Variants in WNT9B observed in about 807,000 individuals in gnomAD.
The protein encoded by WNT9B is protein Wnt-9b.
WNT9B carries 12 observed loss-of-function variants against 30.2 expected under a neutral mutation model. The ratio of observed to expected loss-of-function variants is 0.40; its 90% CI spans 0.26 to 0.64. The LOEUF (loss-of-function observed/expected upper bound fraction) is 0.64, where lower values mean the gene tolerates loss of function less well. WNT9B is among the 30% of genes least tolerant of loss of function. The probability of loss-of-function intolerance (pLI) is 0.42; values close to 1 mark genes in which losing one functional copy is unlikely to be tolerated. For missense variants in WNT9B, 442 were observed against 485.2 expected (o/e 0.91, Z 0.84); for synonymous variants, 218 against 216.9 (o/e 1.01, Z -0.05).
rs560177145 is a variant in WNT9B at position 46,876,977 on chromosome 17, G to C, written c.*259G>C. On this transcript the variant is annotated 3_prime_UTR_variant, in exon 4 of 4. Transcript: ENST00000290015. ...TTGAGGACTTGGAGAGGAGGGCAGA[G>C]TGAGAAAGACATGGAGGGAAATAAG... 6,551 of 1,291,648 alleles carry C rather than the reference G, an allele frequency of 5.1e-3. 30 individuals carry two copies. The highest frequency in any genetic ancestry group is 5.9e-3 in the Non-Finnish European group (6,044 of 1,023,032). 80.0% of individuals were successfully genotyped at this position (1,291,648 alleles called of 1,614,324 possible). A position where few individuals can be genotyped will look rare whatever the true frequency, so the allele number is the denominator to read the frequency against.
upstream of WNT9B, among the ~76,000 whole-genome samples, chr17:46,849,417 G>A (rs2084813320): frequency 6.6e-6 from 1 of 152,228 alleles, no homozygotes; most frequent in African/African-American, 2.4e-5. Context: ...TGGGCAGCCT[G>A]AGCTGAACCC....
At chr17:46,855,481 A>T (rs1200872645) in intron 1 of WNT9B, among the ~76,000 whole-genome samples, 1 of 152,124 alleles carries the variant, frequency 6.6e-6, no homozygotes, top group East Asian at 1.9e-4. Context: ...CAAGTCACTC[A>T]TCTCCAAGGT....
chr17:46,849,269 A>G (rs564879495), upstream of WNT9B, among the ~76,000 whole-genome samples: 72 of 152,366 alleles, frequency 4.7e-4, no homozygotes, highest in African/African-American at 1.7e-3. Context: ...TCTTTGATTC[A>G]TAGGCTTACC....
At chr17:46,859,168 G>A (rs371951954) in intron 1 of WNT9B, among the ~76,000 whole-genome samples, 7 of 151,918 alleles carry the variant, frequency 4.6e-5, no homozygotes, top group Admixed American at 3.3e-4. Flanking sequence ...TGGAGATGGG[G>A]TTTCACCATG....
chr17:46,840,909 CT>C (rs1252013808), intron 1 of WNT9B, among the ~76,000 whole-genome samples: 1 of 152,158 alleles, frequency 6.6e-6, no homozygotes, highest in Non-Finnish European at 1.5e-5. Flanking sequence ...CCTTTGCAGG[CT>C]GTAAATTCTA....
intron 1 of WNT9B, among the ~76,000 whole-genome samples, chr17:46,852,873 A>T (rs1001072811): frequency 8.5e-5 from 13 of 152,246 alleles, no homozygotes; most frequent in Admixed American, 2.0e-4. Flanking sequence ...GGTTGGAGTA[A>T]GGGCTGTGGG....
intron 1 of WNT9B, among the ~76,000 whole-genome samples, chr17:46,861,486 T>G (rs2085036998): frequency 6.6e-6 from 1 of 152,204 alleles, no homozygotes; most frequent in African/African-American, 2.4e-5. Flanking sequence ...GGGCACATAC[T>G]ACCTCACCTA....
chr17:46,842,826 T>G (rs1388685356), intron 1 of WNT9B, among the ~76,000 whole-genome samples: 2 of 152,228 alleles, frequency 1.3e-5, no homozygotes, highest in East Asian at 3.8e-4. Flanking sequence ...AATCAGACAG[T>G]GCACCTCTTC....
At chr17:46,841,447 A>T (rs1189076346) in intron 1 of WNT9B, among the ~76,000 whole-genome samples, 1 of 152,122 alleles carries the variant, frequency 6.6e-6, no homozygotes, top group Non-Finnish European at 1.5e-5. Flanking sequence ...TGTCCCAGGC[A>T]CCTCTGGGCG....
intron 1 of WNT9B, among the ~76,000 whole-genome samples, chr17:46,862,506 T>A (rs1347160230): frequency 2.0e-5 from 3 of 152,226 alleles, no homozygotes; most frequent in African/African-American, 7.2e-5. Context: ...GAATTGTGGA[T>A]AAGGGTTTGT....
intron 1 of WNT9B, among the ~76,000 whole-genome samples, chr17:46,836,095 C>CGTTGT (rs1555692746): frequency 7.9e-6 from 1 of 126,434 alleles, no homozygotes; most frequent in Non-Finnish European, 1.6e-5. Flanking sequence ...GAGACGCTGA[C>CGTTGT]GTGTGTGTGT....
At chr17:46,833,590 G>T in intron 1 of WNT9B, 1 of 367,620 alleles carries the variant, frequency 2.7e-6, no homozygotes, top group South Asian at 2.0e-5. Context: ...AGTGTGGTGG[G>T]CAGCCCTGCT....
rs575121168 is a variant in WNT9B at position 46,856,524 on chromosome 17, G to A, written c.77+4809G>A. ...TTTTGAGATGGAGTCTCACTATGTC[G>A]CCCAGGCTGGAATGCAGTGGTGCAA... is the stretch of plus-strand genomic sequence containing the variant. On this transcript the variant is annotated intron_variant, in intron 1 of 3. Transcript: ENST00000290015. Among the ~76,000 whole-genome samples, 195 of 145,476 alleles carry A rather than the reference G, an allele frequency of 1.3e-3. 1 individual carries two copies. In the Middle Eastern group the frequency reaches 0.014, roughly 11 times the overall value.
At chr17:46,871,990 G>A (rs1311525927) in intron 1 of WNT9B, among the ~76,000 whole-genome samples, 6 of 152,168 alleles carry the variant, frequency 3.9e-5, no homozygotes, top group African/African-American at 1.4e-4. Context: ...AGGGAGAGAG[G>A]GATGTCAGGG....
intron 1 of WNT9B, among the ~76,000 whole-genome samples, chr17:46,855,031 G>A (rs189463270): frequency 1.3e-5 from 2 of 152,194 alleles, no homozygotes; most frequent in Non-Finnish European, 2.9e-5. Context: ...TGTAGGATGG[G>A]TGTAAATAGT....
At chr17:46,871,963 G>T (rs1441140305) in intron 1 of WNT9B, among the ~76,000 whole-genome samples, 3 of 152,132 alleles carry the variant, frequency 2.0e-5, no homozygotes, top group Non-Finnish European at 4.4e-5. Context: ...GGATTACTTG[G>T]GCAGCAGCAT....
Position 46,875,149 on chromosome 17 carries a change from C to A in WNT9B, c.383C>A (p.Thr128Asn). ...TACGCGGTGTCCTCTGCCGCCCTCA[C>A]CCACACCCTGGCCCGGGCCTGCAGC... ...FLYAVSSAAL[T>N]HTLARACSAG... Residue 128 changes from threonine to asparagine, a missense_variant, in exon 3 of 4, where the codon ACC becomes AAC. Physicochemically the swap from Thr to Asn is moderately conservative, Grantham distance 65. Transcript: ENST00000290015. 6.2e-7 allele frequency: 1 copy of A among 1,614,008 alleles called. No homozygotes were observed. The highest frequency in any genetic ancestry group is 8.5e-7 in the Non-Finnish European group (1 of 1,180,034).
rs2085271018 is a variant in WNT9B at position 46,872,750 on chromosome 17, G to A, written c.311G>A (p.Gly104Asp). The A allele has an allele frequency of 7.5e-6, 12 of 1,610,316 alleles. No individual in the cohort carries two copies. The highest frequency in any genetic ancestry group is 1.0e-5 in the Non-Finnish European group (12 of 1,178,988). Reference sequence around the variant, plus strand: ...GAGCGCTGGAACTGTAGCCTGGAGGGCAGGATGGGCCTGCTCAAGAGAGGT... The same window carrying A: ...GAGCGCTGGAACTGTAGCCTGGAGGACAGGATGGGCCTGCTCAAGAGAGGT... ...RHERWNCSLEGRMGLLKRGFK... is the reference protein window; with the variant it reads ...RHERWNCSLEDRMGLLKRGFK... The change falls in exon 2 of 4, where the codon GGC becomes GAC. Residue 104 changes from glycine (G) to aspartate (D), a missense_variant. Physicochemically the swap from Gly to Asp is moderately conservative, Grantham distance 94 (BLOSUM62 -1). Transcript: ENST00000290015.
chr17:46,868,992 A>G (rs1056831134), intron 1 of WNT9B, among the ~76,000 whole-genome samples: 6 of 152,254 alleles, frequency 3.9e-5, no homozygotes, highest in African/African-American at 4.8e-5. Flanking sequence ...TTCAAAGGAA[A>G]TACGATCCCA....
Sources: allele counts gnomAD v4.1 joint callset (sites outside exome capture counted in the v4.1 genomes callset), GRCh38; gene constraint gnomAD v4.1.1; transcripts MANE v1.5; gene names NCBI Gene and HGNC (gene_info 2026-07-23, HGNC 2026-07-21).